The following OSBPL1A variants were observed in gnomAD, a reference collection of about 807,000 sequenced individuals.
The protein encoded by OSBPL1A is oxysterol-binding protein-related protein 1.
Under a neutral mutation model 137.1 loss-of-function variants are expected in OSBPL1A, and 80 were observed. The ratio of observed to expected loss-of-function variants is 0.58; its 90% CI spans 0.49 to 0.70. OSBPL1A has a LOEUF of 0.70. OSBPL1A is among the 30% of genes least tolerant of loss of function. The probability of loss-of-function intolerance (pLI) is 0.00; values close to 1 mark genes in which losing one functional copy is unlikely to be tolerated. For missense variants in OSBPL1A, 970 were observed against 1,129.4 expected, an observed-to-expected ratio of 0.86 and a Z score of 2.02; for synonymous variants, 365 against 389.7, an observed-to-expected ratio of 0.94 and a Z score of 0.75.
chr18:24,366,105 G>A (rs1243093563), intron 4 of OSBPL1A, among the ~76,000 whole-genome samples: 1 of 152,084 alleles, frequency 6.6e-6, no homozygotes, highest in African/African-American at 2.4e-5. Context: ...TCCCTGTTTG[G>A]GTTCCATTAA....
chr18:24,286,490 T>C (rs1361655484), intron 14 of OSBPL1A, among the ~76,000 whole-genome samples: 1 of 152,170 alleles, frequency 6.6e-6, no homozygotes, highest in African/African-American at 2.4e-5. Flanking sequence ...AATATATAGC[T>C]CAAAGTGGCA....
At chr18:24,190,253 T>C (rs1242598525) in intron 18 of OSBPL1A, among the ~76,000 whole-genome samples, 1 of 147,960 alleles carries the variant, frequency 6.8e-6, no homozygotes, top group Non-Finnish European at 1.5e-5. Context: ...CATTTTTTCC[T>C]AGAAACTGGC....
At chr18:24,367,228 T>TTATATA (rs35876308) in intron 3 of OSBPL1A, among the ~76,000 whole-genome samples, 47 of 147,168 alleles carry the variant, frequency 3.2e-4, no homozygotes, top group African/African-American at 9.8e-4. Flanking sequence ...AGACTCCATC[T>TTATATA]TATATATATA....
At chr18:24,184,109 T>C (rs760078316) in intron 18 of OSBPL1A, among the ~76,000 whole-genome samples, 1 of 152,228 alleles carries the variant, frequency 6.6e-6, no homozygotes, top group Non-Finnish European at 1.5e-5. Context: ...TACCATGAAC[T>C]ATTTAATCAT....
At chr18:24,274,962 A>G (rs1450233927) in intron 15 of OSBPL1A, among the ~76,000 whole-genome samples, 1 of 152,120 alleles carries the variant, frequency 6.6e-6, no homozygotes. Context: ...CAAAGGAAGG[A>G]GAAGCCAAAA....
Position 24,165,161 on chromosome 18 carries a change from A to T in OSBPL1A, c.2660-6T>A, listed in dbSNP as rs370943010. On this transcript the variant is annotated splice_region_variant and splice_polypyrimidine_tract_variant and intron_variant, in intron 26 of 27. Transcript: ENST00000319481. Reference sequence around the variant, plus strand: ...TTTTTCTTCACTAGCTTGATCTAAAATAAGAACATCAACACAAACCATTAA... The same window carrying T: ...TTTTTCTTCACTAGCTTGATCTAAATTAAGAACATCAACACAAACCATTAA... The T allele has an allele frequency of 6.2e-7, 1 of 1,613,690 alleles. No individual in the cohort carries two copies. Among genetic ancestry groups the T allele is most frequent in the Non-Finnish European group, 8.5e-7 (1 of 1,179,572 alleles).
At chr18:24,220,582 C>T (rs1400512666) in intron 17 of OSBPL1A, among the ~76,000 whole-genome samples, 1 of 152,148 alleles carries the variant, frequency 6.6e-6, no homozygotes, top group Non-Finnish European at 1.5e-5. Context: ...CTTTTCCTTA[C>T]TGCTCACTGC....
chr18:24,189,891 C>T (rs912643293), intron 18 of OSBPL1A, among the ~76,000 whole-genome samples: 4 of 152,194 alleles, frequency 2.6e-5, no homozygotes, highest in East Asian at 1.9e-4. Context: ...GTGAAAGACA[C>T]GCAGGCAGAA....
At chr18:24,396,311 C>T (rs1223898718) in intron 1 of OSBPL1A, among the ~76,000 whole-genome samples, 2 of 151,966 alleles carry the variant, frequency 1.3e-5, no homozygotes, top group African/African-American at 4.8e-5. Context: ...AATGAGCAGC[C>T]TCCAGAGAGA....
chr18:24,338,106 A>C (rs895553835), intron 5 of OSBPL1A, among the ~76,000 whole-genome samples: 1 of 147,768 alleles, frequency 6.8e-6, no homozygotes, highest in Non-Finnish European at 1.5e-5. Context: ...ACAGAGTCTC[A>C]CTGTTGGCCA....
At chr18:24,239,729 G>T (rs2088622073) in intron 15 of OSBPL1A, among the ~76,000 whole-genome samples, 1 of 151,384 alleles carries the variant, frequency 6.6e-6, no homozygotes, top group Non-Finnish European at 1.5e-5. Context: ...TAAGTACACA[G>T]TTAAAAAAAA....
intron 15 of OSBPL1A, among the ~76,000 whole-genome samples, chr18:24,266,273 A>G (rs1199818375): frequency 1.3e-5 from 2 of 152,184 alleles, no homozygotes; most frequent in East Asian, 1.9e-4. Context: ...GTCTGCATAA[A>G]GAATAACACA....
At chr18:24,190,644 T>A (rs532130365) in intron 18 of OSBPL1A, among the ~76,000 whole-genome samples, 51 of 152,352 alleles carry the variant, frequency 3.3e-4, no homozygotes, top group Non-Finnish European at 6.6e-4. Context: ...GGGGTAGAGA[T>A]ACCAAATTTT....
At chr18:24,253,202 C>A (rs1238699810) in intron 15 of OSBPL1A, among the ~76,000 whole-genome samples, 1 of 137,134 alleles carries the variant, frequency 7.3e-6, no homozygotes, top group Non-Finnish European at 1.6e-5. Flanking sequence ...AAAAACAAGA[C>A]CCCACAATCT....
Position 24,318,625 on chromosome 18 carries a change from T to G in OSBPL1A, c.708A>C (p.Lys236Asn). ...VGNKVIYKAL[K>N]RYEGPLWKSS... Reference sequence around the variant, plus strand: ...CCTTCCAGAGAGGGCCCTCATATCGTTTCAATGCTTTGTAGATGACCTGTC... The same window carrying G: ...CCTTCCAGAGAGGGCCCTCATATCGGTTCAATGCTTTGTAGATGACCTGTC... The change falls in exon 9 of 28, where the codon AAA (lysine) becomes AAC (asparagine). Residue 236 changes from lysine to asparagine, a missense_variant. By Grantham distance (94) the Lys-to-Asn change is moderately conservative (BLOSUM62 0). Around this residue, in one of 2 missense-constraint regions of OSBPL1A, gnomAD observed 647 missense variants for 672.6 expected, o/e 0.96. Coordinates refer to ENST00000319481, the MANE Select transcript of OSBPL1A (RefSeq NM_080597.4). 2 of 1,610,438 alleles carry G rather than the reference T, an allele frequency of 1.2e-6. No homozygotes were observed. The highest frequency in any genetic ancestry group is 2.2e-5 in the South Asian group (2 of 90,400).
Position 24,163,278 on chromosome 18 carries a change from C to T in OSBPL1A, c.2754G>A (p.Trp918Ter), listed in dbSNP as rs2086061500. The change falls in exon 28 of 28, where the codon TGG becomes TGA. Residue 918 changes from tryptophan to a stop codon, truncating the protein, a stop_gained. Coordinates refer to ENST00000319481, the MANE Select transcript of OSBPL1A (RefSeq NM_080597.4). LOFTEE classifies it high-confidence loss of function. ...SKSEEDWKTR[W>*]FHQGPNPYNG... ...TGTAGGGATTAGGACCTTGATGGAA[C>T]CACCTGTTAAAAGAAAAAGGACAAG... 1.9e-6 allele frequency: 3 copies of T among 1,600,304 alleles called. No homozygotes were observed. The highest frequency in any genetic ancestry group is 2.6e-6 in the Non-Finnish European group (3 of 1,173,818).
intron 15 of OSBPL1A, among the ~76,000 whole-genome samples, chr18:24,273,566 T>A (rs901085554): frequency 6.6e-6 from 1 of 152,236 alleles, no homozygotes; most frequent in Non-Finnish European, 1.5e-5. Flanking sequence ...AGAGTTTAGA[T>A]CCAGATTGGT....
chr18:24,394,765 T>C (rs955341325), intron 1 of OSBPL1A, among the ~76,000 whole-genome samples: 1 of 152,124 alleles, frequency 6.6e-6, no homozygotes, highest in African/African-American at 2.4e-5. Flanking sequence ...AAACACAAAG[T>C]AAAAACATGT....
intron 24 of OSBPL1A, among the ~76,000 whole-genome samples, chr18:24,169,347 G>C (rs531351636): frequency 6.6e-6 from 1 of 152,192 alleles, no homozygotes; most frequent in African/African-American, 2.4e-5. Context: ...AAACGCTAAA[G>C]AGCCCCAGAG....
Sources: gnomAD v4.1 joint callset for allele counts (sites outside exome capture counted in the v4.1 genomes callset) on GRCh38, gnomAD v4.1.1 for gene constraint, gnomAD v4.1.1 regional missense constraint, MANE v1.5 for transcripts, NCBI Gene and HGNC (gene_info 2026-07-23, HGNC 2026-07-21) for gene names.